RBFOX1: variants seen among roughly 807,000 people sequenced by gnomAD.
RBFOX1 encodes RNA binding fox-1 homolog 1, also known as RNA binding protein fox-1 homolog 1.
A neutral mutation model predicts 57.7 loss-of-function variants in RBFOX1; 8 were observed. The observed-to-expected ratio is 0.14, with a 90% CI of 0.08 to 0.25. RBFOX1 has a LOEUF of 0.25. Among genes scored for constraint, RBFOX1 ranks in the 10% least tolerant of loss-of-function variants. The pLI, the probability that RBFOX1 is intolerant of heterozygous loss-of-function variation, is 1.00. For missense variants in RBFOX1, 611 were observed against 548.5 expected, an observed-to-expected ratio of 1.11 and a Z score of -1.14; for synonymous variants, 326 against 222.4, an observed-to-expected ratio of 1.47 and a Z score of -4.15.
chr16:7,129,907 A>G (rs1382322142), intron 4 of RBFOX1, among the ~76,000 whole-genome samples: 1 of 152,082 alleles, frequency 6.6e-6, no homozygotes, highest in African/African-American at 2.4e-5. Context: ...CCTCTAGATG[A>G]TAAGTGGAAC....
intron 2 of RBFOX1, among the ~76,000 whole-genome samples, chr16:6,330,442 T>C (rs931792671): frequency 6.6e-6 from 1 of 152,162 alleles, no homozygotes; most frequent in Non-Finnish European, 1.5e-5. Context: ...GTCCCCACTA[T>C]GAAGGCTTTG....
chr16:5,599,318 G>A, exon 3 of RBFOX1: 1 of 620,424 alleles, frequency 1.6e-6, no homozygotes, highest in Non-Finnish European at 2.9e-6. Context: ...CGTGAAAGAA[G>A]TCGAATGTCA....
chr16:7,238,737 C>T (rs1250604110), intron 4 of RBFOX1, among the ~76,000 whole-genome samples: 1 of 152,124 alleles, frequency 6.6e-6, no homozygotes, highest in East Asian at 1.9e-4. Flanking sequence ...TATTTCATCA[C>T]CCAGGTGTTA....
chr16:6,519,034 A>C (rs577469343), intron 2 of RBFOX1, among the ~76,000 whole-genome samples: 8 of 151,422 alleles, frequency 5.3e-5, no homozygotes, highest in African/African-American at 1.5e-4. Context: ...GAAGATAAAC[A>C]CTTAATTCTA....
chr16:6,105,258 AT>A (rs1310841605), intron 1 of RBFOX1, among the ~76,000 whole-genome samples: 1 of 152,234 alleles, frequency 6.6e-6, no homozygotes, highest in Non-Finnish European at 1.5e-5. Flanking sequence ...GCAGGCAGGA[AT>A]GTTTAAGCTG....
chr16:7,324,522 C>G (rs2096586177), intron 4 of RBFOX1, among the ~76,000 whole-genome samples: 1 of 152,202 alleles, frequency 6.6e-6, no homozygotes, highest in Non-Finnish European at 1.5e-5. Flanking sequence ...TGTCATTCAT[C>G]CCCAGACAGG....
intron 1 of RBFOX1, among the ~76,000 whole-genome samples, chr16:5,370,380 A>G (rs921780408): frequency 6.6e-6 from 1 of 151,272 alleles, no homozygotes; most frequent in East Asian, 1.9e-4. Flanking sequence ...GCCAGATGCT[A>G]TGAGCTGTGG....
In RBFOX1 at chr16:6,100,619, T is replaced by C. The variant is rs572347899; in HGVS notation, c.-127+80627T>C. ...TTTTTTTGTCACATAATAACGAATA[T>C]TTATTGAGTTGCTATAGTAGGGTCC... On this transcript the variant is annotated intron_variant, in intron 1 of 15. Coordinates refer to ENST00000550418, the MANE Select transcript of RBFOX1 (RefSeq NM_018723.4). 2.3e-3 allele frequency among the ~76,000 whole-genome samples: 351 copies of C among 152,324 alleles called. 5 individuals carry two copies. The highest frequency in any genetic ancestry group is 7.5e-3 in the African/African-American group (310 of 41,562).
chr16:7,509,246 G>A (rs554609058), intron 4 of RBFOX1, among the ~76,000 whole-genome samples: 9 of 152,322 alleles, frequency 5.9e-5, no homozygotes, highest in South Asian at 2.1e-4. Context: ...GGTCATCTTA[G>A]TATTTATTTT....
chr16:5,281,488 A>G (rs996554977), intron 1 of RBFOX1, among the ~76,000 whole-genome samples: 5 of 152,186 alleles, frequency 3.3e-5, no homozygotes, highest in Non-Finnish European at 7.3e-5. Flanking sequence ...TGTTGATTTT[A>G]TATCTAGATG....
intron 4 of RBFOX1, among the ~76,000 whole-genome samples, chr16:7,429,925 C>T (rs985828016): frequency 1.3e-5 from 2 of 152,138 alleles, no homozygotes; most frequent in East Asian, 3.9e-4. Flanking sequence ...AAAATCTCTG[C>T]CTTTGTGGGA....
At chr16:7,699,640 G>C (rs1426010337) in intron 14 of RBFOX1, among the ~76,000 whole-genome samples, 1 of 152,082 alleles carries the variant, frequency 6.6e-6, no homozygotes, top group Non-Finnish European at 1.5e-5. Flanking sequence ...CCAAAACTTA[G>C]TACAAAAATG....
chr16:6,004,711 C>A (rs189910321), intron 4 of RBFOX1, among the ~76,000 whole-genome samples: 2 of 152,322 alleles, frequency 1.3e-5, no homozygotes, highest in Admixed American at 6.5e-5. Flanking sequence ...AGGTCCTCAT[C>A]AGGGTATATT....
chr16:6,855,289 A>G (rs1168219488), intron 3 of RBFOX1, among the ~76,000 whole-genome samples: 1 of 152,140 alleles, frequency 6.6e-6, no homozygotes, highest in Non-Finnish European at 1.5e-5. Context: ...GCATTCTAGT[A>G]TACAGGTCTG....
At chr16:6,422,129 G>A (rs2093791945) in intron 2 of RBFOX1, among the ~76,000 whole-genome samples, 1 of 151,632 alleles carries the variant, frequency 6.6e-6, no homozygotes, top group African/African-American at 2.4e-5. Context: ...TCCCATTTTG[G>A]CCTGGCTGGT....
chr16:7,290,776 A>G (rs1337236053), intron 4 of RBFOX1, among the ~76,000 whole-genome samples: 2 of 152,208 alleles, frequency 1.3e-5, no homozygotes, highest in Non-Finnish European at 2.9e-5. Flanking sequence ...CAGAAAATAG[A>G]CAAGGAACTC....
intron 3 of RBFOX1, among the ~76,000 whole-genome samples, chr16:5,846,949 C>A (rs772078259): frequency 5.3e-5 from 8 of 152,182 alleles, no homozygotes; most frequent in South Asian, 2.1e-4. Context: ...TGGGTCCAGG[C>A]TGCACAGTGC....
chr16:7,243,765 G>C (rs2094170470), intron 4 of RBFOX1, among the ~76,000 whole-genome samples: 1 of 152,030 alleles, frequency 6.6e-6, no homozygotes, highest in African/African-American at 2.4e-5. Context: ...TCCCAGACTG[G>C]TCTTGAACTT....
rs146369756 is a variant in RBFOX1, at chr16:6,083,564, C to T, written c.-127+63572C>T. On this transcript the variant is annotated intron_variant, in intron 1 of 15. Transcript: ENST00000550418. ...CAGTCACAGCTCACTGCAGCCTCAACCTCTTGGGCTCAGATGATCCTCCAG... is the reference window on the plus strand; with the variant it reads ...CAGTCACAGCTCACTGCAGCCTCAATCTCTTGGGCTCAGATGATCCTCCAG... 3.7e-3 allele frequency among the ~76,000 whole-genome samples: 562 copies of T among 152,230 alleles called. 3 individuals carry two copies. The highest frequency in any genetic ancestry group is 0.02 in the East Asian group (104 of 5,172).
Sources: gnomAD v4.1 joint callset for allele counts (sites outside exome capture counted in the v4.1 genomes callset) on GRCh38, gnomAD v4.1.1 for gene constraint, MANE v1.5 for transcripts, NCBI Gene and HGNC (gene_info 2026-07-23, HGNC 2026-07-21) for gene names.